CLVS1: variants seen among roughly 807,000 people sequenced by gnomAD.
CLVS1 encodes the protein clavesin 1, also known as clavesin-1.
Under a neutral mutation model 33.1 loss-of-function variants are expected in CLVS1, and 10 were observed. The ratio of observed to expected loss-of-function variants is 0.30; its 90% CI spans 0.19 to 0.51. The LOEUF (loss-of-function observed/expected upper bound fraction) is 0.51. Among genes scored for constraint, CLVS1 ranks in the 20% least tolerant of loss-of-function variants. The pLI is 0.97. For missense variants in CLVS1, 343 were observed against 433.4 expected (o/e 0.79, Z 1.85); for synonymous variants, 163 against 166.1 (o/e 0.98, Z 0.14).
At chr8:61,466,164 A>G (rs181071716) in intron 5 of CLVS1, among the ~76,000 whole-genome samples, 92 of 152,340 alleles carry the variant, frequency 6.0e-4, no homozygotes, top group African/African-American at 2.2e-3. Context: ...GCTTTGTATT[A>G]GTTATGATTA....
At chr8:61,116,232 T>C (rs1387117513) in intron 1 of CLVS1, among the ~76,000 whole-genome samples, 2 of 152,006 alleles carry the variant, frequency 1.3e-5, no homozygotes, top group Admixed American at 1.3e-4. Flanking sequence ...TTTGTTTTTT[T>C]CTTGTAAATT....
intron 5 of CLVS1, among the ~76,000 whole-genome samples, chr8:61,485,375 C>T (rs1563575675): frequency 6.6e-6 from 1 of 152,126 alleles, no homozygotes; most frequent in Non-Finnish European, 1.5e-5. Context: ...CAGAGAAATG[C>T]AAATCAAAAC....
chr8:61,078,170 G>T (rs1032794477), intron 1 of CLVS1, among the ~76,000 whole-genome samples: 4 of 152,256 alleles, frequency 2.6e-5, no homozygotes, highest in African/African-American at 9.6e-5. Context: ...GCTGATAAAA[G>T]AAGCTGTGTG....
At chr8:61,352,959 GC>G (rs1324455344) in intron 2 of CLVS1, among the ~76,000 whole-genome samples, 1 of 151,994 alleles carries the variant, frequency 6.6e-6, no homozygotes, top group Admixed American at 6.6e-5. Flanking sequence ...GACTTGAGCA[GC>G]CACAGATTCT....
At chr8:61,173,966 T>C (rs1369279149) in intron 2 of CLVS1, among the ~76,000 whole-genome samples, 3 of 152,328 alleles carry the variant, frequency 2.0e-5, no homozygotes, top group East Asian at 3.9e-4. Context: ...TCGTGGGGCA[T>C]TGGTTAGAGT....
chr8:61,081,860 T>C (rs570064770), intron 1 of CLVS1, among the ~76,000 whole-genome samples: 1 of 152,342 alleles, frequency 6.6e-6, no homozygotes, highest in African/African-American at 2.4e-5. Context: ...CAGAAACCTC[T>C]ATGAGAACCA....
chr8:61,287,555 CT>C (rs751697919), upstream of CLVS1, among the ~76,000 whole-genome samples: 7 of 151,932 alleles, frequency 4.6e-5, no homozygotes, highest in Non-Finnish European at 5.9e-5. Context: ...TAAAATATTT[CT>C]GTTCTTCTAG....
intron 2 of CLVS1, among the ~76,000 whole-genome samples, chr8:61,251,836 C>G (rs1223040423): frequency 6.6e-6 from 1 of 151,992 alleles, no homozygotes; most frequent in Non-Finnish European, 1.5e-5. Flanking sequence ...AGCAGTCTAT[C>G]TATTTTGTTG....
At chr8:61,360,276 A>C (rs748179101) in intron 2 of CLVS1, among the ~76,000 whole-genome samples, 8 of 151,872 alleles carry the variant, frequency 5.3e-5, no homozygotes, top group East Asian at 3.9e-4. Flanking sequence ...TAAAAAACCC[A>C]AAAAAAACTA....
chr8:61,271,846 T>C (rs1165221273), intron 2 of CLVS1, among the ~76,000 whole-genome samples: 1 of 150,608 alleles, frequency 6.6e-6, no homozygotes, highest in African/African-American at 2.4e-5. Flanking sequence ...ACCCCTGCCT[T>C]TTTTTGTTTT....
At chr8:61,249,328 C>A (rs1263123527) in intron 2 of CLVS1, among the ~76,000 whole-genome samples, 1 of 152,174 alleles carries the variant, frequency 6.6e-6, no homozygotes, top group African/African-American at 2.4e-5. Context: ...CACTGATGGA[C>A]ATTTGGGTTG....
At chr8:61,183,183 C>G (rs1305173135) in intron 2 of CLVS1, among the ~76,000 whole-genome samples, 1 of 151,924 alleles carries the variant, frequency 6.6e-6, no homozygotes, top group Non-Finnish European at 1.5e-5. Context: ...GGAGGGAGAG[C>G]ATCAGGACAA....
the CLVS1 span, among the ~76,000 whole-genome samples, chr8:61,037,747 G>A: frequency 6.6e-6 from 1 of 152,198 alleles, no homozygotes; most frequent in South Asian, 2.1e-4. Flanking sequence ...GCCAGGTGCT[G>A]GTGTCCAGGG....
intron 3 of CLVS1, among the ~76,000 whole-genome samples, chr8:61,419,396 C>CAAAAAAAAAAAAA (rs10635998): frequency 8.5e-5 from 6 of 70,318 alleles, no homozygotes; most frequent in African/African-American, 2.7e-4. Context: ...GACTCCGTCT[C>CAAAAAAAAAAAAA]AAAAAAAAAA....
At chr8:61,237,418 A>G (rs914039747) in intron 2 of CLVS1, among the ~76,000 whole-genome samples, 4 of 152,214 alleles carry the variant, frequency 2.6e-5, no homozygotes, top group Non-Finnish European at 5.9e-5. Flanking sequence ...ATTGCACCCC[A>G]GCCAAGGTGA....
intron 5 of CLVS1, 40 bp downstream of exon 5, chr8:61,458,582 G>T: frequency 7.2e-7 from 1 of 1,386,958 alleles, no homozygotes; most frequent in Non-Finnish European, 9.8e-7. Context: ...CCAGTCAGAG[G>T]TCAATGGAAT....
At chr8:61,247,260 G>A (rs1002471476) in intron 2 of CLVS1, among the ~76,000 whole-genome samples, 1 of 152,184 alleles carries the variant, frequency 6.6e-6, no homozygotes, top group African/African-American at 2.4e-5. Flanking sequence ...GTGAACACTT[G>A]TGTGCATGTG....
chr8:61,362,310 A>G (rs906729292), intron 2 of CLVS1, among the ~76,000 whole-genome samples: 3 of 152,208 alleles, frequency 2.0e-5, no homozygotes, highest in Non-Finnish European at 2.9e-5. Flanking sequence ...AAGAAGAGGA[A>G]AGAATATTCC....
chr8:61,359,818 T>C (rs979300961), intron 2 of CLVS1, among the ~76,000 whole-genome samples: 3 of 152,234 alleles, frequency 2.0e-5, no homozygotes, highest in Non-Finnish European at 4.4e-5. Flanking sequence ...CCCAATTAGA[T>C]GTTTTTTTGC....
Sources: allele counts gnomAD v4.1 joint callset (sites outside exome capture counted in the v4.1 genomes callset), GRCh38; gene constraint gnomAD v4.1.1; transcripts MANE v1.5; gene names NCBI Gene and HGNC (gene_info 2026-07-23, HGNC 2026-07-21).